Variants in B3GAT2 observed in about 807,000 individuals in gnomAD.
B3GAT2 encodes galactosylgalactosylxylosylprotein 3-beta-glucuronosyltransferase 2.
In B3GAT2, 26 loss-of-function variants were observed where a neutral mutation model predicts 27.8. The observed-to-expected ratio is 0.93, with a 90% CI of 0.68 to 1.30. The LOEUF is 1.30. B3GAT2 is among the 50% of genes most tolerant of loss of function. B3GAT2 has a pLI of 0.00. For missense variants in B3GAT2, 458 were observed against 459.0 expected, an observed-to-expected ratio of 1.00 and a Z score of 0.02; for synonymous variants, 218 against 195.1, an observed-to-expected ratio of 1.12 and a Z score of -0.98.
chr6:70,870,705 T>C (rs548938664), intron 2 of B3GAT2, among the ~76,000 whole-genome samples: 1 of 152,290 alleles, frequency 6.6e-6, no homozygotes, highest in Non-Finnish European at 1.5e-5. Context: ...TAAAAGATCA[T>C]GTCATTGATA....
At chr6:70,925,342 C>T (rs996514655) in intron 1 of B3GAT2, among the ~76,000 whole-genome samples, 8 of 152,138 alleles carry the variant, frequency 5.3e-5, no homozygotes, top group South Asian at 2.1e-4. Context: ...CAAAGTAGGG[C>T]GGGGCATCAC....
Position 70,856,967 on chromosome 6 carries a change from CT to C in B3GAT2, c.*4695del. 6.2e-7 allele frequency: 1 copy of C among 1,613,984 alleles called. No homozygotes were observed. The highest frequency in any genetic ancestry group is 8.5e-7 in the Non-Finnish European group (1 of 1,179,892). On this transcript the variant is annotated 3_prime_UTR_variant, in exon 4 of 4. Coordinates refer to ENST00000230053, the MANE Select transcript of B3GAT2 (RefSeq NM_080742.3). ...ATCAGAAGAAGTGGCAAAGAAACAA[CT>C]TTCCAAAGACTCCATCTTATCTCTG...
At chr6:70,905,171 T>G (rs1015308854) in intron 1 of B3GAT2, among the ~76,000 whole-genome samples, 1 of 152,216 alleles carries the variant, frequency 6.6e-6, no homozygotes, top group African/African-American at 2.4e-5. Flanking sequence ...GCAACTGCTG[T>G]AGAATAGAAC....
intron 1 of B3GAT2, among the ~76,000 whole-genome samples, chr6:70,899,325 G>A (rs973783052): frequency 3.3e-5 from 5 of 152,148 alleles, no homozygotes; most frequent in African/African-American, 1.2e-4. Flanking sequence ...ATGGCCTCAG[G>A]TTCTAGGTAA....
At chr6:70,919,591 A>G (rs1772832151) in intron 1 of B3GAT2, among the ~76,000 whole-genome samples, 1 of 151,984 alleles carries the variant, frequency 6.6e-6, no homozygotes, top group South Asian at 2.1e-4. Context: ...TTTCGTGTGG[A>G]TGTCCTTTTT....
intron 1 of B3GAT2, among the ~76,000 whole-genome samples, chr6:70,922,832 G>A (rs1350391378): frequency 6.6e-6 from 1 of 152,098 alleles, no homozygotes; most frequent in Non-Finnish European, 1.5e-5. Flanking sequence ...AAAAATCAAT[G>A]AGCGATAGAC....
chr6:70,897,348 T>C (rs982484618), intron 1 of B3GAT2, among the ~76,000 whole-genome samples: 3 of 152,246 alleles, frequency 2.0e-5, no homozygotes, highest in Admixed American at 6.5e-5. Flanking sequence ...TTCATTCTTA[T>C]AACAGTGTCT....
intron 2 of B3GAT2, among the ~76,000 whole-genome samples, chr6:70,866,713 T>A (rs985895761): frequency 6.6e-6 from 1 of 151,988 alleles, no homozygotes; most frequent in Non-Finnish European, 1.5e-5. Flanking sequence ...GGTGAATGAA[T>A]GAGGGAGACA....
chr6:70,912,056 T>C (rs1772697439), intron 1 of B3GAT2, among the ~76,000 whole-genome samples: 1 of 152,132 alleles, frequency 6.6e-6, no homozygotes, highest in African/African-American at 2.4e-5. Flanking sequence ...GCAGACACTA[T>C]GGAATTTTCT....
At chr6:70,862,006 G>C in intron 2 of B3GAT2, 28 bp from the exon 3 acceptor site, 1 of 1,541,094 alleles carries the variant, frequency 6.5e-7, no homozygotes, top group East Asian at 2.3e-5. Flanking sequence ...AAAAAAAAGA[G>C]ACTTTAAAAT....
At chr6:70,944,528 G>A (rs1298027186) in intron 1 of B3GAT2, among the ~76,000 whole-genome samples, 5 of 152,212 alleles carry the variant, frequency 3.3e-5, no homozygotes, top group African/African-American at 9.6e-5. Context: ...AGGGGTGCCC[G>A]CAATTGCCCA....
intron 1 of B3GAT2, among the ~76,000 whole-genome samples, chr6:70,927,192 G>C (rs1420378381): frequency 6.6e-6 from 1 of 152,144 alleles, no homozygotes; most frequent in African/African-American, 2.4e-5. Flanking sequence ...AACATGGAAA[G>C]GAACAACCAG....
intron 2 of B3GAT2, among the ~76,000 whole-genome samples, chr6:70,886,261 G>A (rs1772183480): frequency 6.6e-6 from 1 of 152,138 alleles, no homozygotes; most frequent in Non-Finnish European, 1.5e-5. Context: ...AGCATACCTA[G>A]GCCTCGGGCT....
Position 70,956,717 on chromosome 6 carries a change from C to T in B3GAT2, c.-288G>A. On this transcript the variant is annotated 5_prime_UTR_variant, in exon 1 of 4. Transcript: ENST00000230053. ...AGCGGGACTCGGTCCAGCCGCGCGC[C>T]GCCGGTCCCGGAGTTGTGCCGAGTG... 1.5e-6 allele frequency: 2 copies of T among 1,330,172 alleles called. No individual in the cohort carries two copies. The highest frequency in any genetic ancestry group is 2.9e-4 in the Middle Eastern group (1 of 3,426). The allele number at this position is 1,330,172 out of a possible 1,614,324, so 82.4% of individuals were successfully genotyped here.
At chr6:70,872,379 G>A (rs1025289341) in intron 2 of B3GAT2, among the ~76,000 whole-genome samples, 2 of 151,712 alleles carry the variant, frequency 1.3e-5, no homozygotes, top group African/African-American at 4.8e-5. Flanking sequence ...TGTAAGTCAC[G>A]TATATGTTTA....
chr6:70,901,076 T>C (rs1772490557), intron 1 of B3GAT2, among the ~76,000 whole-genome samples: 1 of 152,178 alleles, frequency 6.6e-6, no homozygotes, highest in South Asian at 2.1e-4. Flanking sequence ...TTCTTTCCAA[T>C]TTTATTGTCC....
At chr6:70,892,207 A>G (rs1338885846) in intron 2 of B3GAT2, among the ~76,000 whole-genome samples, 1 of 152,230 alleles carries the variant, frequency 6.6e-6, no homozygotes, top group Non-Finnish European at 1.5e-5. Flanking sequence ...AAATCCAAAC[A>G]TTGGTCTTGT....
At chr6:70,944,836 C>A (rs903414515) in intron 1 of B3GAT2, among the ~76,000 whole-genome samples, 18 of 152,306 alleles carry the variant, frequency 1.2e-4, no homozygotes, top group African/African-American at 4.3e-4. Context: ...TAGGGGCAGA[C>A]TGACACCTCA....
chr6:70,873,218 T>G (rs2150024359), intron 2 of B3GAT2, among the ~76,000 whole-genome samples: 1 of 148,372 alleles, frequency 6.7e-6, no homozygotes, highest in African/African-American at 2.5e-5. Flanking sequence ...AAGGACTCCT[T>G]TGAGTATTTC....
Sources: gnomAD v4.1 joint callset for allele counts (sites outside exome capture counted in the v4.1 genomes callset) on GRCh38, gnomAD v4.1.1 for gene constraint, MANE v1.5 for transcripts, NCBI Gene and HGNC (gene_info 2026-07-23, HGNC 2026-07-21) for gene names.